The following BIRC3 variants were observed in gnomAD, a reference collection of about 807,000 sequenced individuals.
BIRC3 encodes baculoviral IAP repeat containing 3.
In BIRC3, 26 loss-of-function variants were observed where a neutral mutation model predicts 59.0. That is an observed-to-expected ratio of 0.44 (90% CI 0.32 to 0.61). BIRC3 has a LOEUF of 0.61. BIRC3 is among the 20% of genes least tolerant of loss of function. The pLI is 0.04. For missense variants in BIRC3, 641 were observed against 711.5 expected, an observed-to-expected ratio of 0.90 and a Z score of 1.13; for synonymous variants, 243 against 249.2, an observed-to-expected ratio of 0.98 and a Z score of 0.24.
At position 102,336,009 on chromosome 11, in the gene BIRC3, A is replaced by G. The variant is rs1314778231; in HGVS notation, c.1368A>G (p.Gln456=). 3 of 1,611,632 alleles carry G rather than the reference A, an allele frequency of 1.9e-6. No individual in the cohort carries two copies. The highest frequency in any genetic ancestry group is 3.4e-5 in the Admixed American group (2 of 59,684). The change falls in exon 7 of 9, where the codon CAA becomes CAG. Residue 456 remains glutamine (Q), a synonymous_variant. Coordinates refer to ENST00000263464, the MANE Select transcript of BIRC3 (RefSeq NM_001165.5). ...GGAAGAATAGAATGGCACTTTTTCA[A>G]CATTTGACTTGTGTAATTCCAATCC... ...LIRKNRMALF[Q]HLTCVIPILD... is the part of the protein sequence containing the mutation.
intron 5 of BIRC3, among the ~76,000 whole-genome samples, chr11:102,330,032 A>G (rs1951124267): frequency 1.3e-5 from 2 of 152,210 alleles, no homozygotes; most frequent in African/African-American, 4.8e-5. Context: ...AGACAGGAGA[A>G]AGGGATATGG....
Position 102,331,190 on chromosome 11 carries a change from G to T in BIRC3, c.1273G>T (p.Asp425Tyr), listed in dbSNP as rs748006743. The T allele has an allele frequency of 6.2e-7, 1 of 1,613,438 alleles. No individual in the cohort carries two copies. The highest frequency in any genetic ancestry group is 8.5e-7 in the Non-Finnish European group (1 of 1,179,748). ...TGTGTTAGACTTACTCAATGCAGAA[G>T]ATGAAATAAGGGAAGAGGAGAGAGA... is the stretch of plus-strand genomic sequence containing the variant. Reference protein sequence around the residue: ...DLVLDLLNAEDEIREEERERA... With the variant: ...DLVLDLLNAEYEIREEERERA... Residue 425 changes from aspartate to tyrosine, a missense_variant, in exon 6 of 9, where the codon GAT becomes TAT. Around this residue, in one of 4 missense-constraint regions of BIRC3, gnomAD observed 268 missense variants for 255.7 expected, o/e 1.05. Transcript: ENST00000263464.
chr11:102,320,808 T>G (rs988078668), intron 1 of BIRC3, among the ~76,000 whole-genome samples: 10 of 152,268 alleles, frequency 6.6e-5, no homozygotes, highest in Admixed American at 1.3e-4. Context: ...AGTCTGTTAT[T>G]GCTAGACTGT....
chr11:102,327,905 A>G (rs1951101435), intron 3 of BIRC3, 147 bp from the exon 4 acceptor site: 6 of 599,324 alleles, frequency 1.0e-5, no homozygotes, highest in South Asian at 8.8e-5. Context: ...TAAGTTTAGA[A>G]TAAATGATCT....
At chr11:102,330,960 G>A (rs1951131465) in intron 5 of BIRC3, 39 bp from the exon 6 acceptor site, 1 of 1,519,762 alleles carries the variant, frequency 6.6e-7, no homozygotes, top group South Asian at 1.3e-5. Flanking sequence ...AGAAATATAA[G>A]GCTATCCTAA....
intron 6 of BIRC3, among the ~76,000 whole-genome samples, chr11:102,334,893 A>G (rs1951181185): frequency 6.6e-6 from 1 of 152,198 alleles, no homozygotes; most frequent in South Asian, 2.1e-4. Flanking sequence ...AGGTAATGGC[A>G]ATATGTCTAA....
intron 8 of BIRC3, 51 bp downstream of exon 8, chr11:102,336,852 T>C (rs1176151347): frequency 1.0e-5 from 16 of 1,588,590 alleles, no homozygotes; most frequent in Non-Finnish European, 1.3e-5. Context: ...TTTATTTTCT[T>C]AGTTTTTCAC....
chr11:102,324,344 A>C lies in BIRC3; in HGVS notation c.-166A>C, dbSNP rs1221770265. 2 of 694,432 alleles carry C rather than the reference A, an allele frequency of 2.9e-6. No individual in the cohort carries two copies. The highest frequency in any genetic ancestry group is 3.6e-5 in the African/African-American group (2 of 55,456). The allele number at this position is 694,432 out of a possible 1,614,324, so 43.0% of individuals were successfully genotyped here. ...CTTCCTTAAAATGTATCAGTATAGG[A>C]TTTAGAATCTCCATGTTGAAACTCT... is the stretch of plus-strand genomic sequence containing the variant. On this transcript the variant is annotated 5_prime_UTR_variant, in exon 2 of 9. Transcript: ENST00000263464.
Position 102,325,264 on chromosome 11 carries a change from T to G in BIRC3, c.755T>G (p.Met252Arg). 6.2e-7 allele frequency: 1 copy of G among 1,614,190 alleles called. No individual in the cohort carries two copies. The highest frequency in any genetic ancestry group is 8.5e-7 in the Non-Finnish European group (1 of 1,180,032). The change falls in exon 2 of 9, where the codon ATG becomes AGG. Residue 252 changes from methionine to arginine, a missense_variant. This residue lies in a region of BIRC3 where 329 missense variants were observed against 365.6 expected (regional missense o/e 0.90). Transcript: ENST00000263464. ...AGATACACAGTTTCTAATCTGAGCA[T>G]GCAGACACATGCAGCCCGCTTTAAA... Reference protein sequence around the residue: ...TSRYTVSNLSMQTHAARFKTF... With the variant: ...TSRYTVSNLSRQTHAARFKTF...
rs551176449 is a variant in BIRC3, at chr11:102,322,495, A to T, written c.-2015A>T. ...GCTGTTACCGCTGAGAATGATGAGG[A>T]TGAGAATGATGGTTGAAGGTTACAT... On this transcript the variant is annotated 5_prime_UTR_variant, in exon 2 of 9. It removes an upstream start codon present in the reference 5' UTR. Coordinates refer to ENST00000263464, the MANE Select transcript of BIRC3 (RefSeq NM_001165.5). 9.7e-6 allele frequency: 2 copies of T among 205,864 alleles called. No homozygotes were observed. Among genetic ancestry groups the T allele is most frequent in the South Asian group, 3.8e-4 (2 of 5,260 alleles). The allele number at this position is 205,864 out of a possible 1,614,324, so 12.8% of individuals were successfully genotyped here.
chr11:102,321,543 TGGGGTTTC>T (rs1951030972), intron 1 of BIRC3, among the ~76,000 whole-genome samples: 1 of 151,980 alleles, frequency 6.6e-6, no homozygotes, highest in Non-Finnish European at 1.5e-5. Context: ...TTAGTAGAGA[TGGGGTTTC>T]ACCATTTTGG....
intron 3 of BIRC3, among the ~76,000 whole-genome samples, chr11:102,325,768 T>C (rs543777730): frequency 6.6e-6 from 1 of 152,086 alleles, no homozygotes; most frequent in Non-Finnish European, 1.5e-5. Context: ...GGGATTTTTG[T>C]TTAATTTTTA....
At chr11:102,336,412 C>A (rs996582538) in intron 7 of BIRC3, 192 bp downstream of exon 7, 3 of 640,974 alleles carry the variant, frequency 4.7e-6, no homozygotes, top group Non-Finnish European at 7.7e-6. Context: ...GACAACGTGG[C>A]GAGACCCCAT....
At position 102,323,917 on chromosome 11, in the gene BIRC3, C is replaced by T; in HGVS notation, c.-593C>T. 1 of 203,498 alleles carries T rather than the reference C, an allele frequency of 4.9e-6. No homozygotes were observed. The highest frequency in any genetic ancestry group is 1.0e-5 in the Non-Finnish European group (1 of 99,360). 12.6% of individuals were successfully genotyped at this position (203,498 alleles called of 1,614,324 possible). ...TTGATAACAGAAGTTTTAAAATAGC[C>T]ATCTTAGAATCAGTGAAATATGGTA... is the stretch of plus-strand genomic sequence containing the variant. On this transcript the variant is annotated 5_prime_UTR_variant, in exon 2 of 9. Coordinates refer to ENST00000263464, the MANE Select transcript of BIRC3 (RefSeq NM_001165.5).
Position 102,325,669 on chromosome 11 carries a change from T to C in BIRC3, c.953+104T>C, listed in dbSNP as rs1226505775. 1.2e-5 allele frequency: 13 copies of C among 1,110,812 alleles called. No individual in the cohort carries two copies. The East Asian group carries it at 2.9e-4, about 25-fold the overall frequency. 68.8% of individuals were successfully genotyped at this position (1,110,812 alleles called of 1,614,324 possible). A position where few individuals can be genotyped will look rare whatever the true frequency, so the allele number is the denominator to read the frequency against. ...GTTACTTTACTCTGTTCCAAATATATATTTGTGAATAAGTTTAGGATGGAT... is the reference window on the plus strand; with the variant it reads ...GTTACTTTACTCTGTTCCAAATATACATTTGTGAATAAGTTTAGGATGGAT... On this transcript the variant is annotated intron_variant, in intron 3 of 8. Coordinates refer to ENST00000263464, the MANE Select transcript of BIRC3 (RefSeq NM_001165.5).
rs1951201320 is a variant in BIRC3, at chr11:102,336,812, T to C, written c.1621+11T>C. On this transcript the variant is annotated intron_variant, in intron 8 of 8. Transcript: ENST00000263464. ...CAGAAGATGTTTCAGGTAATAGTAC[T>C]AATATTTTAAATCAATAGAGAACAT... 6.2e-7 allele frequency: 1 copy of C among 1,603,378 alleles called. No individual in the cohort carries two copies. The highest frequency in any genetic ancestry group is 1.7e-5 in the Admixed American group (1 of 57,720).
In BIRC3 at chr11:102,324,399, T is replaced by A. The variant is rs181803711; in HGVS notation, c.-111T>A. 14 of 1,252,358 alleles carry A rather than the reference T, an allele frequency of 1.1e-5. No individual in the cohort carries two copies. Among genetic ancestry groups the A allele is most frequent in the Admixed American group, 1.0e-4 (4 of 38,170 alleles). The allele number at this position is 1,252,358 out of a possible 1,614,324, so 77.6% of individuals were successfully genotyped here. On this transcript the variant is annotated 5_prime_UTR_variant, in exon 2 of 9. Coordinates refer to ENST00000263464, the MANE Select transcript of BIRC3 (RefSeq NM_001165.5). ...GCATAGAAATAAAAATAATAAAAAA[T>A]TTTTCATTTTGGCTTTTCAGCCTAG... is the stretch of plus-strand genomic sequence containing the variant.
At chr11:102,325,639 C>A in intron 3 of BIRC3, 74 bp downstream of exon 3, 2 of 1,368,766 alleles carry the variant, frequency 1.5e-6, no homozygotes, top group Non-Finnish European at 1.0e-6. Flanking sequence ...CACCTGAAAT[C>A]AGTTGTTACT....
intron 1 of BIRC3, among the ~76,000 whole-genome samples, chr11:102,318,077 T>C (rs1950990337): frequency 6.6e-6 from 1 of 152,248 alleles, no homozygotes; most frequent in Non-Finnish European, 1.5e-5. Context: ...GTCGAAGGCA[T>C]GTACCTGATG....
Sources: gnomAD v4.1 joint callset for allele counts (sites outside exome capture counted in the v4.1 genomes callset) on GRCh38, gnomAD v4.1.1 for gene constraint, gnomAD v4.1.1 regional missense constraint, MANE v1.5 for transcripts, NCBI Gene and HGNC (gene_info 2026-07-23, HGNC 2026-07-21) for gene names.